Variants in SMC6 observed in about 807,000 individuals in gnomAD.
The protein encoded by SMC6 is structural maintenance of chromosomes 6, also known as structural maintenance of chromosomes protein 6.
A neutral mutation model predicts 142.2 loss-of-function variants in SMC6; 79 were observed. The observed-to-expected ratio is 0.56, with a 90% CI of 0.46 to 0.67. The LOEUF (loss-of-function observed/expected upper bound fraction) is 0.67, where lower values mean the gene tolerates loss of function less well. SMC6 is among the 30% of genes least tolerant of loss of function. The pLI is 0.00. For synonymous variants in SMC6, 411 were observed against 412.4 expected (o/e 1.00, Z 0.04); for missense variants, 1,072 against 1,284.0 (o/e 0.83, Z 2.52).
intron 4 of SMC6, among the ~76,000 whole-genome samples, chr2:17,739,019 C>A (rs77887258): frequency 6.6e-6 from 1 of 152,116 alleles, no homozygotes; most frequent in African/African-American, 2.4e-5. Context: ...TCATTCAATA[C>A]TGTATCCCTA....
At chr2:17,707,884 T>A (rs916944933) in intron 17 of SMC6, among the ~76,000 whole-genome samples, 6 of 151,974 alleles carry the variant, frequency 3.9e-5, no homozygotes, top group Non-Finnish European at 8.8e-5. Context: ...AATCAACCTC[T>A]CTGGGGACAG....
rs1668559164 is a variant in SMC6, at chr2:17,707,394, G to A, written c.1846-15C>T. The A allele has an allele frequency of 7.0e-7, 1 of 1,424,554 alleles. No individual in the cohort carries two copies. The highest frequency in any genetic ancestry group is 9.2e-7 in the Non-Finnish European group (1 of 1,082,898). The allele number at this position is 1,424,554 out of a possible 1,614,324, so 88.2% of individuals were successfully genotyped here. On this transcript the variant is annotated splice_polypyrimidine_tract_variant and intron_variant, in intron 17 of 27. Transcript: ENST00000448223. ...ACAGAATTATTCTAAAAGAATAGAA[G>A]AAAATAAATTTTTTAAGACGATGTG...
In SMC6 at chr2:17,696,332, T is replaced by C; in HGVS notation, c.2489A>G (p.Asn830Ser). The C allele has an allele frequency of 1.9e-6, 3 of 1,605,554 alleles. No homozygotes were observed. Among genetic ancestry groups the C allele is most frequent in the Non-Finnish European group, 2.5e-6 (3 of 1,178,292 alleles). ...EKQKEHLDTLNKKKRELDMKE... is the reference protein window; with the variant it reads ...EKQKEHLDTLSKKKRELDMKE... The stretch of plus-strand genomic sequence containing the variant: ...CATATCCAGTTCTCGTTTCTTTTTA[T>C]TTAAGGTATCCAAGTGTTCTTTTTG... The change falls in exon 22 of 28, where the codon AAT becomes AGT. Residue 830 changes from asparagine to serine, a missense_variant. Asn to Ser is a conservative substitution (Grantham distance 46, BLOSUM62 1). Coordinates refer to ENST00000448223, the MANE Select transcript of SMC6 (RefSeq NM_001142286.2).
chr2:17,708,784 T>C (rs765301380), intron 16 of SMC6, 31 bp from the exon 17 acceptor site: 8 of 1,113,242 alleles, frequency 7.2e-6, no homozygotes, highest in Non-Finnish European at 9.8e-6. Context: ...AGGATTAACT[T>C]AGCAAATTTT....
intron 3 of SMC6, among the ~76,000 whole-genome samples, chr2:17,745,505 C>A (rs1050703313): frequency 6.6e-6 from 1 of 152,004 alleles, no homozygotes; most frequent in Non-Finnish European, 1.5e-5. Context: ...ATTTCCTTAC[C>A]CTTTGGATGT....
chr2:17,731,206 T>C, intron 6 of SMC6, 67 bp from the exon 7 acceptor site: 1 of 1,049,930 alleles, frequency 9.5e-7, no homozygotes, highest in Non-Finnish European at 1.4e-6. Flanking sequence ...AAATGTATAG[T>C]TACTTACAAA....
chr2:17,679,005 G>T (rs1411504987), intron 24 of SMC6, 41 bp from the exon 25 acceptor site: 1 of 1,417,014 alleles, frequency 7.1e-7, no homozygotes, highest in Non-Finnish European at 9.9e-7. Context: ...AGAGGGCAAA[G>T]GTTTTTTAAA....
At chr2:17,700,686 T>C (rs1387258279) in intron 20 of SMC6, among the ~76,000 whole-genome samples, 3 of 152,162 alleles carry the variant, frequency 2.0e-5, no homozygotes, top group African/African-American at 7.2e-5. Flanking sequence ...TGCCAGAGAA[T>C]ATGTTAGATG....
At chr2:17,732,314 A>T (rs1262790974) in intron 5 of SMC6, among the ~76,000 whole-genome samples, 1 of 152,248 alleles carries the variant, frequency 6.6e-6, no homozygotes, top group African/African-American at 2.4e-5. Flanking sequence ...ATGGTAAAGT[A>T]GTTAACATTT....
intron 18 of SMC6, among the ~76,000 whole-genome samples, chr2:17,703,664 A>G (rs377318112): frequency 6.6e-6 from 1 of 152,146 alleles, no homozygotes; most frequent in Non-Finnish European, 1.5e-5. Flanking sequence ...ATAAGGATAA[A>G]GACCTTAATG....
intron 23 of SMC6, among the ~76,000 whole-genome samples, chr2:17,691,249 C>CAA (rs1198969105): frequency 1.4e-5 from 2 of 141,726 alleles, no homozygotes; most frequent in Non-Finnish European, 3.1e-5. Context: ...CACACACACA[C>CAA]ACACACACAC....
chr2:17,708,927 C>T (rs986139851), intron 16 of SMC6, among the ~76,000 whole-genome samples, 174 bp from the exon 17 acceptor site: 2 of 151,548 alleles, frequency 1.3e-5, no homozygotes, highest in African/African-American at 4.9e-5. Context: ...GAAAACATAG[C>T]TGTATAGGTT....
chr2:17,750,202 G>A (rs1396882718), intron 2 of SMC6, among the ~76,000 whole-genome samples: 1 of 152,118 alleles, frequency 6.6e-6, no homozygotes, highest in Non-Finnish European at 1.5e-5. Flanking sequence ...GAAGATAGAT[G>A]AAACAGAAAG....
rs1666393914 is a variant in SMC6, at chr2:17,664,170, A to G, written c.*1329T>C. Reference sequence around the variant, plus strand: ...ACATGTTAAAAATAATTTTAATACAAAGGCATTATAAGTGTAAATTTAAAA... The same window carrying G: ...ACATGTTAAAAATAATTTTAATACAGAGGCATTATAAGTGTAAATTTAAAA... On this transcript the variant is annotated 3_prime_UTR_variant, in exon 28 of 28. Transcript: ENST00000448223. 6.6e-6 allele frequency: 1 copy of G among 152,228 alleles called. No individual in the cohort carries two copies. Among genetic ancestry groups the G allele is most frequent in the South Asian group, 2.1e-4 (1 of 4,834 alleles). 9.4% of individuals were successfully genotyped at this position (152,228 alleles called of 1,614,324 possible). A position where few individuals can be genotyped will look rare whatever the true frequency, so the allele number is the denominator to read the frequency against.
chr2:17,667,653 C>T (rs977465452), intron 26 of SMC6, among the ~76,000 whole-genome samples: 25 of 152,250 alleles, frequency 1.6e-4, no homozygotes, highest in African/African-American at 6.0e-4. Flanking sequence ...AGCTCGAGAT[C>T]AGCCTGGCCA....
intron 4 of SMC6, 46 bp from the exon 5 acceptor site, chr2:17,738,372 G>A (rs1197805618): frequency 7.2e-7 from 1 of 1,393,000 alleles, no homozygotes; most frequent in African/African-American, 1.4e-5. Context: ...AAAAGAAAAA[G>A]GAAAAAGCTG....
chr2:17,683,820 G>T, intron 23 of SMC6, 57 bp from the exon 24 acceptor site: 1 of 1,501,550 alleles, frequency 6.7e-7, no homozygotes, highest in Non-Finnish European at 9.2e-7. Flanking sequence ...AAACATAACA[G>T]TAGAATCTCA....
At chr2:17,726,076 A>T (rs1264605706) in intron 8 of SMC6, among the ~76,000 whole-genome samples, 1 of 116,602 alleles carries the variant, frequency 8.6e-6, no homozygotes, top group Admixed American at 9.4e-5. Flanking sequence ...AGACAGAGCA[A>T]GGCTCTGTCT....
intron 7 of SMC6, among the ~76,000 whole-genome samples, chr2:17,727,089 G>A (rs1669664560): frequency 6.6e-6 from 1 of 152,208 alleles, no homozygotes; most frequent in Non-Finnish European, 1.5e-5. Context: ...ACTAGTCATT[G>A]CTTGAATGAA....
Sources: allele counts gnomAD v4.1 joint callset (sites outside exome capture counted in the v4.1 genomes callset), GRCh38; gene constraint gnomAD v4.1.1; transcripts MANE v1.5; gene names NCBI Gene and HGNC (gene_info 2026-07-23, HGNC 2026-07-21).